RIMS1: variants seen among roughly 807,000 people sequenced by gnomAD.
RIMS1 encodes regulating synaptic membrane exocytosis protein 1.
In RIMS1, 83 loss-of-function variants were observed where a neutral mutation model predicts 214.1. The observed-to-expected ratio is 0.39, with a 90% CI of 0.32 to 0.47. The LOEUF (loss-of-function observed/expected upper bound fraction) is 0.47. RIMS1 is among the 20% of genes least tolerant of loss of function. The pLI is 0.99. For synonymous variants in RIMS1, 793 were observed against 786.8 expected (o/e 1.01, Z -0.13); for missense variants, 2,050 against 2,161.8 (o/e 0.95, Z 1.03).
intron 7 of RIMS1, among the ~76,000 whole-genome samples, chr6:72,235,335 C>A (rs1431955058): frequency 6.6e-6 from 1 of 151,962 alleles, no homozygotes; most frequent in East Asian, 1.9e-4. Context: ...TTTAACAAAT[C>A]TCTCCCTACC....
intron 4 of RIMS1, among the ~76,000 whole-genome samples, chr6:72,138,446 C>A (rs1230523624): frequency 1.3e-5 from 2 of 152,042 alleles, no homozygotes; most frequent in Non-Finnish European, 2.9e-5. Flanking sequence ...TACTTTTTAT[C>A]TCTATAAATC....
At chr6:72,173,767 T>G (rs1309547710) in intron 4 of RIMS1, among the ~76,000 whole-genome samples, 1 of 152,118 alleles carries the variant, frequency 6.6e-6, no homozygotes, top group African/African-American at 2.4e-5. Context: ...TAGCCATATA[T>G]AGGGGAATAA....
At chr6:72,361,958 G>A (rs2097843439) in intron 29 of RIMS1, among the ~76,000 whole-genome samples, 1 of 147,902 alleles carries the variant, frequency 6.8e-6, no homozygotes, top group Non-Finnish European at 1.5e-5. Flanking sequence ...AACATCTTTG[G>A]AGGACCATTA....
intron 4 of RIMS1, among the ~76,000 whole-genome samples, chr6:72,120,532 C>A (rs1170115746): frequency 6.6e-6 from 1 of 151,970 alleles, no homozygotes; most frequent in Non-Finnish European, 1.5e-5. Context: ...TGTTAAAGTT[C>A]TTTGCAGATT....
rs534120579 is a variant in RIMS1 at position 71,942,310 on chromosome 6, C to T, written c.165-26673C>T. Among the ~76,000 whole-genome samples, 18 of 152,236 alleles carry T rather than the reference C, an allele frequency of 1.2e-4. No homozygotes were observed. In the South Asian group the frequency reaches 3.7e-3, roughly 32 times the overall value. On this transcript the variant is annotated intron_variant, in intron 1 of 33. Coordinates refer to ENST00000521978, the MANE Select transcript of RIMS1 (RefSeq NM_014989.7). ...ATTAAAAATGAACTGCTTAAATCCT[C>T]CCTTGACTAGACTCCATAGAGAGGA...
At chr6:72,266,387 C>A (rs1324479723) in intron 22 of RIMS1, 2 of 340,740 alleles carry the variant, frequency 5.9e-6, no homozygotes, top group Non-Finnish European at 1.1e-5. Flanking sequence ...GTTATAAGGT[C>A]CAGTGAATTA....
chr6:72,256,859 TAAG>T (rs976908874), intron 16 of RIMS1, among the ~76,000 whole-genome samples: 10 of 152,006 alleles, frequency 6.6e-5, no homozygotes, highest in Non-Finnish European at 1.3e-4. Context: ...GATATTTTGA[TAAG>T]AAAAAATTAA....
chr6:71,975,132 A>T (rs1384391), intron 2 of RIMS1, among the ~76,000 whole-genome samples: 6,012 of 152,302 alleles, frequency 0.039, 254 homozygotes, highest in East Asian at 0.16. Flanking sequence ...TAGGTGATAA[A>T]CATCATGTTA....
At chr6:72,066,399 T>C (rs542801402) in intron 2 of RIMS1, among the ~76,000 whole-genome samples, 35 of 152,336 alleles carry the variant, frequency 2.3e-4, no homozygotes, top group African/African-American at 7.9e-4. Flanking sequence ...AATGCTATTA[T>C]TGAATCTCAG....
intron 29 of RIMS1, among the ~76,000 whole-genome samples, chr6:72,345,033 A>G (rs2097211665): frequency 6.6e-6 from 1 of 151,764 alleles, no homozygotes; most frequent in Admixed American, 6.6e-5. Context: ...ACATGTTGAT[A>G]TTTTTAACTA....
rs192697563 is a variant in RIMS1, at chr6:72,257,802, T to C, written c.2771-323T>C. ...AGTTTCATGTCAAGCACTTCATTTG[T>C]GTTGCTAAGTCACGAACTCGTTCAT... On this transcript the variant is annotated intron_variant, in intron 16 of 33. Coordinates refer to ENST00000521978, the MANE Select transcript of RIMS1 (RefSeq NM_014989.7). Among the ~76,000 whole-genome samples the C allele has an allele frequency of 2.0e-5, 3 of 152,292 alleles. No homozygotes were observed. In the East Asian group the frequency reaches 5.8e-4, roughly 29 times the overall value.
At chr6:72,261,607 A>T in intron 19 of RIMS1, 1 of 984,490 alleles carries the variant, frequency 1.0e-6, no homozygotes, top group Non-Finnish European at 1.2e-6. Context: ...AACACAAAAT[A>T]ATCGAACTCA....
intron 4 of RIMS1, among the ~76,000 whole-genome samples, chr6:72,144,848 A>G (rs1373182685): frequency 6.6e-6 from 1 of 152,068 alleles, no homozygotes; most frequent in Non-Finnish European, 1.5e-5. Context: ...ACTAGAATGT[A>G]ATGACAAGTG....
chr6:72,181,548 A>C (rs957997052), intron 5 of RIMS1, among the ~76,000 whole-genome samples: 4 of 152,354 alleles, frequency 2.6e-5, no homozygotes, highest in Admixed American at 6.5e-5. Context: ...AAATTTCAAG[A>C]ACAAGGGCTG....
Position 71,890,922 on chromosome 6 carries a change from A to G in RIMS1, c.164+3735A>G, listed in dbSNP as rs540116244. 7.9e-5 allele frequency among the ~76,000 whole-genome samples: 12 copies of G among 152,314 alleles called. No homozygotes were observed. In the South Asian group the frequency reaches 2.3e-3, roughly 29 times the overall value. On this transcript the variant is annotated intron_variant, in intron 1 of 33. Transcript: ENST00000521978. ...AATATCCTAAACTGACTCACATAAC[A>G]TGGTCCAATCATGATTCAAAATCAG...
chr6:72,150,386 T>C lies in RIMS1; in HGVS notation c.472-29189T>C, dbSNP rs142429519. On this transcript the variant is annotated intron_variant, in intron 4 of 33. Coordinates refer to ENST00000521978, the MANE Select transcript of RIMS1 (RefSeq NM_014989.7). ...GTATTTTGGCTTTCAGACTTTAAAC[T>C]GTCTTTTGGCTTGAAGGTGGGGTTT... Among the ~76,000 whole-genome samples, 675 of 152,306 alleles carry C rather than the reference T, an allele frequency of 4.4e-3. 7 individuals are homozygous for C. The highest frequency in any genetic ancestry group is 0.016 in the African/African-American group (659 of 41,572).
At position 71,887,096 on chromosome 6, in the gene RIMS1, C is replaced by T. The variant is rs768125472; in HGVS notation, c.73C>T (p.Leu25=). The T allele has an allele frequency of 6.2e-7, 1 of 1,613,694 alleles. No homozygotes were observed. The highest frequency in any genetic ancestry group is 8.5e-7 in the Non-Finnish European group (1 of 1,179,762). The change falls in exon 1 of 34, where the codon CTG becomes TTG. Residue 25 remains leucine (L), a synonymous_variant. Coordinates refer to ENST00000521978, the MANE Select transcript of RIMS1 (RefSeq NM_014989.7). ...TCCCCCCATGCAAGAGCTGCCCGAC[C>T]TGAGCCACCTGACCGAAGAGGAGAG... is the stretch of plus-strand genomic sequence containing the variant. ...VPPPMQELPD[L]SHLTEEERNI... is the part of the protein sequence containing the mutation.
chr6:72,261,799 C>G (rs1389711752), intron 19 of RIMS1: 13 of 984,730 alleles, frequency 1.3e-5, no homozygotes, highest in Non-Finnish European at 1.6e-5. Context: ...TGAAGTTATA[C>G]TACTCATAAC....
At chr6:72,012,566 G>T (rs1363197355) in intron 2 of RIMS1, among the ~76,000 whole-genome samples, 7 of 151,752 alleles carry the variant, frequency 4.6e-5, no homozygotes, top group Non-Finnish European at 8.8e-5. Context: ...GAGCTTGTGG[G>T]AAAAAAAAGC....
Sources: allele counts gnomAD v4.1 joint callset (sites outside exome capture counted in the v4.1 genomes callset), GRCh38; gene constraint gnomAD v4.1.1; transcripts MANE v1.5; gene names NCBI Gene and HGNC (gene_info 2026-07-23, HGNC 2026-07-21).